ARHGEF18: variants seen among roughly 807,000 people sequenced by gnomAD.
The protein encoded by ARHGEF18 is Rho/Rac guanine nucleotide exchange factor 18.
A neutral mutation model predicts 155.7 loss-of-function variants in ARHGEF18; 93 were observed. The observed-to-expected ratio is 0.60, with a 90% CI of 0.50 to 0.71. The LOEUF (loss-of-function observed/expected upper bound fraction) is 0.71, where lower values mean the gene tolerates loss of function less well. Ranked by LOEUF, ARHGEF18 falls within the 30% of genes least tolerant of loss-of-function variation. ARHGEF18 has a pLI of 0.00. For synonymous variants in ARHGEF18, 742 were observed against 753.1 expected, an observed-to-expected ratio of 0.99 and a Z score of 0.24; for missense variants, 1,593 against 1,816.1, an observed-to-expected ratio of 0.88 and a Z score of 2.23.
At position 7,382,874 on chromosome 19, in the gene ARHGEF18, G is replaced by T; in HGVS notation, c.805G>T (p.Val269Leu). ...KRRLSCLRSR[V>L]TRQKEKGKSP... Reference sequence around the variant, plus strand: ...CAGGCTGAGCTGCCTCCGCAGTCGAGTGACCAGGCAGAAGGAGAAGGTAAG... The same window carrying T: ...CAGGCTGAGCTGCCTCCGCAGTCGATTGACCAGGCAGAAGGAGAAGGTAAG... Residue 269 changes from valine (V) to leucine (L), a missense_variant, in exon 9 of 29, where the codon GTG (valine) becomes TTG (leucine). Coordinates refer to ENST00000668164, the MANE Select transcript of ARHGEF18 (RefSeq NM_001367823.1). 1 of 1,232,624 alleles carries T rather than the reference G, an allele frequency of 8.1e-7. No individual in the cohort carries two copies. Among genetic ancestry groups the T allele is most frequent in the African/African-American group, 1.5e-5 (1 of 64,574 alleles). The allele number at this position is 1,232,624 out of a possible 1,614,324, so 76.4% of individuals were successfully genotyped here.
Position 7,444,306 on chromosome 19 carries a change from T to C in ARHGEF18, c.1463T>C (p.Ile488Thr), listed in dbSNP as rs1047493254. Residue 488 changes from isoleucine (I) to threonine (T), a missense_variant, in exon 14 of 29, where the codon ATT becomes ACT. Ile to Thr is a moderately conservative substitution (Grantham distance 89). Coordinates refer to ENST00000668164, the MANE Select transcript of ARHGEF18 (RefSeq NM_001367823.1). This position sits in a 1 kb window ranked among gnomAD's most constrained non-coding sequence, Gnocchi z 4.7. ...GAGCTGCAGTTCAGCAGCAAGGCCA[T>C]TGGCCGCCTCTTCCCATGCGCTGAC... ...QEELQFSSKA[I>T]GRLFPCADDL... 2.9e-5 allele frequency: 47 copies of C among 1,613,550 alleles called. No individual in the cohort carries two copies. Among genetic ancestry groups the C allele is most frequent in the Non-Finnish European group, 3.6e-5 (43 of 1,180,032 alleles).
At position 7,455,828 on chromosome 19, in the gene ARHGEF18, C is replaced by A. The variant is rs978680781; in HGVS notation, c.2105-499C>A. ...TGGCAGCAGGCAAAGAGAGAGGGAG[C>A]TTGTGCAGGGAAACTCCCCCTTATA... On this transcript the variant is annotated intron_variant, in intron 17 of 28. Transcript: ENST00000668164. 9.8e-4 allele frequency among the ~76,000 whole-genome samples: 149 copies of A among 151,664 alleles called. 3 individuals carry two copies. Among genetic ancestry groups the A allele is most frequent in the Non-Finnish European group, 2.1e-4 (14 of 68,026 alleles).
At chr19:7,442,497 A>C (rs1435824182) in intron 13 of ARHGEF18, among the ~76,000 whole-genome samples, 1 of 151,984 alleles carries the variant, frequency 6.6e-6, no homozygotes, top group Non-Finnish European at 1.5e-5. Context: ...GGCCTCCCAA[A>C]CTATTGGGAT....
chr19:7,368,829 G>A (rs939696580), intron 2 of ARHGEF18, among the ~76,000 whole-genome samples: 1 of 152,114 alleles, frequency 6.6e-6, no homozygotes, highest in African/African-American at 2.4e-5. Flanking sequence ...TGCCGCCCAA[G>A]TCACATGAGG....
At chr19:7,473,757 C>T (rs1178215776), downstream of ARHGEF18, among the ~76,000 whole-genome samples, 1 of 144,824 alleles carries the variant, frequency 6.9e-6, no homozygotes, top group African/African-American at 2.6e-5. Flanking sequence ...TTGCGGTGAG[C>T]CGAGATTGCG....
chr19:7,448,580 G>A (rs1044565631), intron 15 of ARHGEF18, among the ~76,000 whole-genome samples: 1 of 151,904 alleles, frequency 6.6e-6, no homozygotes, highest in South Asian at 2.1e-4. Flanking sequence ...AGAATGGTGT[G>A]AACCCGGGAG....
intron 10 of ARHGEF18, among the ~76,000 whole-genome samples, chr19:7,415,297 A>C (rs1435785316): frequency 6.6e-6 from 1 of 151,746 alleles, no homozygotes; most frequent in African/African-American, 2.4e-5. Context: ...CGCCCTCCTG[A>C]GCGCAACACC....
Position 7,440,210 on chromosome 19 carries a change from C to G in ARHGEF18, c.968-134C>G. The stretch of plus-strand genomic sequence containing the variant: ...CCAGGAAATGGAGCGAGAACGTCTT[C>G]TTGGATAACGAGCTGCTGACCTCCA... On this transcript the variant is annotated intron_variant, in intron 10 of 28. Coordinates refer to ENST00000668164, the MANE Select transcript of ARHGEF18 (RefSeq NM_001367823.1). The surrounding 1 kb of genome is among the most constrained non-coding windows in gnomAD (Gnocchi z 5.4). 6.4e-7 allele frequency: 1 copy of G among 1,551,700 alleles called. No individual in the cohort carries two copies. Among genetic ancestry groups the G allele is most frequent in the Non-Finnish European group, 8.7e-7 (1 of 1,147,016 alleles).
Position 7,451,275 on chromosome 19 carries a change from T to C in ARHGEF18, c.1855+9T>C. 1 of 1,612,400 alleles carries C rather than the reference T, an allele frequency of 6.2e-7. No homozygotes were observed. Among genetic ancestry groups the C allele is most frequent in the Non-Finnish European group, 8.5e-7 (1 of 1,179,184 alleles). ...CATCCAGAACACGGAAGGTAGGCCT[T>C]CTCCCCACTGCCCCGCCCGCCCGTG... On this transcript the variant is annotated intron_variant, in intron 16 of 28. Transcript: ENST00000668164.
intron 5 of ARHGEF18, among the ~76,000 whole-genome samples, chr19:7,377,601 TG>T (rs1970520680): frequency 6.6e-6 from 1 of 150,908 alleles, no homozygotes; most frequent in Non-Finnish European, 1.5e-5. Flanking sequence ...CTGGGCAACA[TG>T]GCGAAACCTT....
chr19:7,376,584 G>T, intron 4 of ARHGEF18, 59 bp from the exon 5 acceptor site: 3 of 1,147,730 alleles, frequency 2.6e-6, no homozygotes, highest in Non-Finnish European at 3.3e-6. Flanking sequence ...TCAATCCAGG[G>T]AACCTGCCTG....
chr19:7,419,016 G>C (rs976299072), intron 10 of ARHGEF18, among the ~76,000 whole-genome samples: 1 of 143,702 alleles, frequency 7.0e-6, no homozygotes, highest in Non-Finnish European at 1.5e-5. Flanking sequence ...ACCCGCACTC[G>C]GCCTCTGTAC....
rs1378517000 is a variant in ARHGEF18, at chr19:7,467,129, G to A, written c.3009+11G>A. ...CTCCTGAACCTTCAGGTACAGGGGC[G>A]GGGTGGGGCCGGCCACGCGTGCCCT... On this transcript the variant is annotated intron_variant, in intron 25 of 28. Transcript: ENST00000668164. 2 of 1,593,420 alleles carry A rather than the reference G, an allele frequency of 1.3e-6. No individual in the cohort carries two copies. The highest frequency in any genetic ancestry group is 1.3e-5 in the African/African-American group (1 of 74,578).
In ARHGEF18 at chr19:7,398,588, G is replaced by T. The variant is rs543325054; in HGVS notation, c.967+15385G>T. Among the ~76,000 whole-genome samples the T allele has an allele frequency of 3.4e-3, 522 of 151,820 alleles. 2 individuals are homozygous for T. Among genetic ancestry groups the T allele is most frequent in the African/African-American group, 0.012 (497 of 41,474 alleles). On this transcript the variant is annotated intron_variant, in intron 10 of 28. Transcript: ENST00000668164. ...CGCCTGTAATCCCAGCTACTTGGGA[G>T]GCTGAGGCAGGAGAATCGCTTGAAC...
intron 10 of ARHGEF18, among the ~76,000 whole-genome samples, chr19:7,386,315 C>T (rs1971072775): frequency 6.6e-6 from 1 of 151,212 alleles, no homozygotes; most frequent in Admixed American, 6.6e-5. Flanking sequence ...TCAACCTCAG[C>T]ACTACTGACA....
rs138821022 is a variant in ARHGEF18 at position 7,421,276 on chromosome 19, A to G, written c.968-19068A>G. Among the ~76,000 whole-genome samples the G allele has an allele frequency of 3.5e-4, 54 of 152,294 alleles. 1 individual carries two copies. The East Asian group carries it at 6.6e-3, about 18-fold the overall frequency. On this transcript the variant is annotated intron_variant, in intron 10 of 28. Coordinates refer to ENST00000668164, the MANE Select transcript of ARHGEF18 (RefSeq NM_001367823.1). ...CAGCTGCGTGAGTCCAGTTACACAC[A>G]GACGTTTTTCAGTCAATACAGTCAG...
intron 13 of ARHGEF18, among the ~76,000 whole-genome samples, chr19:7,443,295 TCCTC>T (rs1421611947): frequency 6.6e-6 from 1 of 151,946 alleles, no homozygotes; most frequent in East Asian, 1.9e-4. Flanking sequence ...GACCTCATGA[TCCTC>T]CCACCTTGGC....
chr19:7,443,144 C>T (rs747864191), intron 13 of ARHGEF18, among the ~76,000 whole-genome samples: 21 of 150,746 alleles, frequency 1.4e-4, no homozygotes, highest in Non-Finnish European at 2.2e-4. Context: ...CTCACCTCCA[C>T]CTCCCGGGTT....
Position 7,451,203 on chromosome 19 carries a change from C to A in ARHGEF18, c.1792C>A (p.Leu598Met), listed in dbSNP as rs777132091. ...GCTTGGCGTGCAGGAGTGCATTCTC[C>A]TGGTTACACAACGCATAACCAAATA... Reference protein sequence around the residue: ...RRLGVQECILLVTQRITKYPV... With the variant: ...RRLGVQECILMVTQRITKYPV... The change falls in exon 16 of 29, where the codon CTG becomes ATG. Residue 598 changes from leucine (L) to methionine (M), a missense_variant. Physicochemically the swap from Leu to Met is conservative, Grantham distance 15. Transcript: ENST00000668164. 4 of 1,592,264 alleles carry A rather than the reference C, an allele frequency of 2.5e-6. No homozygotes were observed. The highest frequency in any genetic ancestry group is 1.7e-6 in the Non-Finnish European group (2 of 1,171,164).
Sources: gnomAD v4.1 joint callset for allele counts (sites outside exome capture counted in the v4.1 genomes callset) on GRCh38, gnomAD v4.1.1 for gene constraint, Gnocchi (gnomAD v3.1) non-coding constraint, MANE v1.5 for transcripts, NCBI Gene and HGNC (gene_info 2026-07-23, HGNC 2026-07-21) for gene names.